TMEM132D: variants seen among roughly 807,000 people sequenced by gnomAD.
TMEM132D encodes transmembrane protein 132D, also known as mature OL transmembrane protein.
TMEM132D carries 21 observed loss-of-function variants against 62.3 expected under a neutral mutation model. The ratio of observed to expected loss-of-function variants is 0.34; its 90% CI spans 0.24 to 0.49. The LOEUF (loss-of-function observed/expected upper bound fraction) is 0.49. Ranked by LOEUF, TMEM132D falls within the 20% of genes least tolerant of loss-of-function variation. The pLI, the probability that TMEM132D is intolerant of heterozygous loss-of-function variation, is 0.99. For missense variants in TMEM132D, 1,346 were observed against 1,402.8 expected, an observed-to-expected ratio of 0.96 and a Z score of 0.65; for synonymous variants, 621 against 575.6, an observed-to-expected ratio of 1.08 and a Z score of -1.13.
At chr12:129,089,131 G>A (rs1235533520) in intron 5 of TMEM132D, among the ~76,000 whole-genome samples, 1 of 43,622 alleles carries the variant, frequency 2.3e-5, no homozygotes, top group South Asian at 8.4e-4. Flanking sequence ...CTCTATGACC[G>A]GGTGTCCTCT....
chr12:129,319,691 T>C (rs1027864289), intron 4 of TMEM132D, among the ~76,000 whole-genome samples: 3 of 151,786 alleles, frequency 2.0e-5, no homozygotes, highest in Non-Finnish European at 4.4e-5. Context: ...AGAAAGGAGA[T>C]TTAAAAAAGA....
At chr12:129,423,302 G>A (rs1749925811) in intron 3 of TMEM132D, among the ~76,000 whole-genome samples, 1 of 152,044 alleles carries the variant, frequency 6.6e-6, no homozygotes, top group Non-Finnish European at 1.5e-5. Flanking sequence ...CTGCAAACTA[G>A]AATAAAACTA....
At chr12:129,259,929 G>A (rs1266686789) in intron 4 of TMEM132D, among the ~76,000 whole-genome samples, 1 of 152,006 alleles carries the variant, frequency 6.6e-6, no homozygotes, top group Non-Finnish European at 1.5e-5. Flanking sequence ...GAGCCAAATT[G>A]GGAAGAACTG....
intron 2 of TMEM132D, among the ~76,000 whole-genome samples, chr12:129,694,542 G>A (rs1478778073): frequency 2.0e-5 from 3 of 152,138 alleles, no homozygotes; most frequent in Non-Finnish European, 2.9e-5. Flanking sequence ...CGGAGTATGC[G>A]CCTGTAACAG....
chr12:129,331,765 C>T (rs1869112411), intron 4 of TMEM132D, among the ~76,000 whole-genome samples: 1 of 152,210 alleles, frequency 6.6e-6, no homozygotes, highest in Non-Finnish European at 1.5e-5. Flanking sequence ...AGTGCCATGA[C>T]CCCTGAACAC....
intron 8 of TMEM132D, among the ~76,000 whole-genome samples, chr12:129,076,676 C>T (rs1438709108): frequency 6.6e-6 from 1 of 152,224 alleles, no homozygotes; most frequent in African/African-American, 2.4e-5. Context: ...GAAATCTGAG[C>T]AGAGCATTCA....
chr12:129,504,610 C>T (rs906194926), intron 3 of TMEM132D, among the ~76,000 whole-genome samples: 1 of 152,110 alleles, frequency 6.6e-6, no homozygotes, highest in Non-Finnish European at 1.5e-5. Context: ...TTTGGATTTT[C>T]TCTCTTCTTG....
chr12:129,582,305 T>C (rs1182588889), intron 2 of TMEM132D, among the ~76,000 whole-genome samples: 2 of 152,246 alleles, frequency 1.3e-5, no homozygotes, highest in Non-Finnish European at 2.9e-5. Flanking sequence ...TCTGTTTTAA[T>C]CAGCCATGCT....
chr12:129,517,424 C>G (rs1278839522), intron 3 of TMEM132D, among the ~76,000 whole-genome samples: 2 of 152,066 alleles, frequency 1.3e-5, no homozygotes, highest in Non-Finnish European at 2.9e-5. Flanking sequence ...TATAATACTT[C>G]AACGAAAAGG....
At chr12:129,739,139 T>C (rs1869519656) in intron 1 of TMEM132D, among the ~76,000 whole-genome samples, 1 of 152,146 alleles carries the variant, frequency 6.6e-6, no homozygotes, top group African/African-American at 2.4e-5. Flanking sequence ...AGCTCACTCT[T>C]AGGCGGTATA....
At chr12:129,491,678 A>G (rs1382344874) in intron 3 of TMEM132D, among the ~76,000 whole-genome samples, 1 of 152,220 alleles carries the variant, frequency 6.6e-6, no homozygotes, top group Admixed American at 6.5e-5. Context: ...GCTGTGGCTC[A>G]GGCCTATAAT....
intron 5 of TMEM132D, among the ~76,000 whole-genome samples, chr12:129,120,057 G>A (rs1013823685): frequency 2.6e-5 from 4 of 152,154 alleles, no homozygotes; most frequent in African/African-American, 7.2e-5. Flanking sequence ...ACTATGGCTG[G>A]AGCCAAAGTG....
intron 1 of TMEM132D, among the ~76,000 whole-genome samples, chr12:129,823,504 C>G (rs1291670836): frequency 6.6e-6 from 1 of 152,244 alleles, no homozygotes; most frequent in African/African-American, 2.4e-5. Flanking sequence ...AGCCAAGGGC[C>G]AGCCTTGCCA....
chr12:129,348,883 T>C lies in TMEM132D; in HGVS notation c.1116-11066A>G, dbSNP rs887971260. ...ACAGCTCCCATTGGACAACTAGCCA[T>C]ATCTCTGGAGGAGCCTCGGGTAACC... On this transcript the variant is annotated intron_variant, in intron 3 of 8. Coordinates refer to ENST00000422113, the MANE Select transcript of TMEM132D (RefSeq NM_133448.3). 2.6e-5 allele frequency among the ~76,000 whole-genome samples: 4 copies of C among 152,136 alleles called. No homozygotes were observed. In the East Asian group the frequency reaches 7.7e-4, roughly 29 times the overall value.
At chr12:129,126,668 C>T (rs1055214948) in intron 5 of TMEM132D, among the ~76,000 whole-genome samples, 11 of 152,180 alleles carry the variant, frequency 7.2e-5, no homozygotes, top group South Asian at 2.1e-4. Context: ...GCTTATGTTA[C>T]GTATGGAATT....
intron 4 of TMEM132D, among the ~76,000 whole-genome samples, chr12:129,300,407 G>A (rs1490794520): frequency 1.3e-5 from 2 of 152,240 alleles, no homozygotes; most frequent in Non-Finnish European, 2.9e-5. Context: ...ATGTGACGAT[G>A]AATATCACTG....
intron 1 of TMEM132D, among the ~76,000 whole-genome samples, chr12:129,862,868 T>TAA (rs200353787): frequency 1.4e-5 from 2 of 143,064 alleles, no homozygotes; most frequent in African/African-American, 5.1e-5. Flanking sequence ...TGAGCTTAGT[T>TAA]AAAAAAAAAA....
chr12:129,796,858 C>T (rs949188023), intron 1 of TMEM132D, among the ~76,000 whole-genome samples: 8 of 152,138 alleles, frequency 5.3e-5, no homozygotes, highest in Admixed American at 1.3e-4. Context: ...CGCACATGTA[C>T]CCCAGAACTT....
chr12:129,417,121 T>C (rs1872146617), intron 3 of TMEM132D, among the ~76,000 whole-genome samples: 1 of 152,206 alleles, frequency 6.6e-6, no homozygotes, highest in Non-Finnish European at 1.5e-5. Context: ...TCAGAAGGAA[T>C]GGTACCAGTT....
Sources: gnomAD v4.1 joint callset for allele counts (sites outside exome capture counted in the v4.1 genomes callset) on GRCh38, gnomAD v4.1.1 for gene constraint, MANE v1.5 for transcripts, NCBI Gene and HGNC (gene_info 2026-07-23, HGNC 2026-07-21) for gene names.